The following NUDT3 variants were observed in gnomAD, a reference collection of about 807,000 sequenced individuals.
NUDT3 encodes the protein diphosphoinositol polyphosphate phosphohydrolase 1.
In NUDT3, 9 loss-of-function variants were observed where a neutral mutation model predicts 23.6. The observed-to-expected ratio is 0.38, with a 90% CI of 0.23 to 0.66. The LOEUF (loss-of-function observed/expected upper bound fraction) is 0.66. NUDT3 is among the 30% of genes least tolerant of loss of function. NUDT3 has a pLI of 0.52. For missense variants in NUDT3, 172 were observed against 218.5 expected (o/e 0.79, Z 1.34); for synonymous variants, 86 against 82.6 (o/e 1.04, Z -0.22).
Position 34,284,859 on chromosome 6 carries a change from C to T in NUDT3, c.*3894G>A, listed in dbSNP as rs989652812. ...CTCCTAATATCAAAACAAAATATTT[C>T]TTTGCCACAAAGGAACTTGACTATG... is the stretch of plus-strand genomic sequence containing the variant. On this transcript the variant is annotated 3_prime_UTR_variant, in exon 5 of 5. Coordinates refer to ENST00000607016, the MANE Select transcript of NUDT3 (RefSeq NM_006703.4). 1 of 152,130 alleles carries T rather than the reference C, an allele frequency of 6.6e-6. No individual in the cohort carries two copies. The highest frequency in any genetic ancestry group is 2.4e-5 in the African/African-American group (1 of 41,416). The allele number at this position is 152,130 out of a possible 1,614,324, so 9.4% of individuals were successfully genotyped here.
chr6:34,390,074 G>T (rs537100297), intron 1 of NUDT3, among the ~76,000 whole-genome samples: 1 of 152,142 alleles, frequency 6.6e-6, no homozygotes, highest in East Asian at 1.9e-4. Flanking sequence ...GGAGGTGGAG[G>T]TTGCAATGAG....
At chr6:34,355,205 C>T (rs577884944) in intron 1 of NUDT3, among the ~76,000 whole-genome samples, 1 of 152,202 alleles carries the variant, frequency 6.6e-6, no homozygotes, top group Admixed American at 6.5e-5. Flanking sequence ...ATTCCTAGTG[C>T]TGAGATTGTT....
intron 1 of NUDT3, among the ~76,000 whole-genome samples, chr6:34,376,524 G>A (rs1169901535): frequency 1.3e-5 from 2 of 152,096 alleles, no homozygotes; most frequent in African/African-American, 2.4e-5. Context: ...TGATTCTCCT[G>A]CTTCCGCCTC....
At chr6:34,306,927 C>T (rs1197128854) in intron 2 of NUDT3, among the ~76,000 whole-genome samples, 1 of 152,110 alleles carries the variant, frequency 6.6e-6, no homozygotes, top group Non-Finnish European at 1.5e-5. Context: ...GACTAAGGAG[C>T]AATTCTTTTT....
rs545492254 is a variant in NUDT3 at position 34,326,606 on chromosome 6, TTTTC to T, written c.210+15252_210+15255del. On this transcript the variant is annotated intron_variant, in intron 2 of 4. Coordinates refer to ENST00000607016, the MANE Select transcript of NUDT3 (RefSeq NM_006703.4). ...CTTACATGATAATCCAGCTTTTTTTTTTTCTTTTTTTTGACACGGAGTCTTGCTC... is the reference window on the plus strand; with the variant it reads ...CTTACATGATAATCCAGCTTTTTTTTTTTTTTTTGACACGGAGTCTTGCTC... Among the ~76,000 whole-genome samples, 126 of 152,204 alleles carry T rather than the reference TTTTC, an allele frequency of 8.3e-4. No individual in the cohort carries two copies. In the East Asian group the frequency reaches 0.01, roughly 12 times the overall value.
intron 1 of NUDT3, among the ~76,000 whole-genome samples, chr6:34,380,056 A>T (rs1351128696): frequency 6.6e-6 from 1 of 151,768 alleles, no homozygotes; most frequent in East Asian, 1.9e-4. Context: ...TCTTTTATGC[A>T]GTAAAGTACT....
In NUDT3 at chr6:34,283,214, T is replaced by C. The variant is rs1379861324; in HGVS notation, c.*5539A>G. ...TCCCTTCCCTTTTCTTTTTTTTTTT[T>C]TTTTTTTTGAGACGGAGTCTTGCTC... On this transcript the variant is annotated 3_prime_UTR_variant, in exon 5 of 5. Coordinates refer to ENST00000607016, the MANE Select transcript of NUDT3 (RefSeq NM_006703.4). The C allele has an allele frequency of 6.7e-6, 1 of 149,534 alleles. No individual in the cohort carries two copies. Among genetic ancestry groups the C allele is most frequent in the Non-Finnish European group, 1.5e-5 (1 of 67,462 alleles). 9.3% of individuals were successfully genotyped at this position (149,534 alleles called of 1,614,324 possible).
At chr6:34,348,323 CA>C (rs777537795) in intron 1 of NUDT3, among the ~76,000 whole-genome samples, 22 of 146,616 alleles carry the variant, frequency 1.5e-4, no homozygotes, top group South Asian at 2.1e-4. Flanking sequence ...CGCCCCCCAC[CA>C]AAAAAAAAAT....
At chr6:34,323,607 C>T (rs370382335) in intron 2 of NUDT3, among the ~76,000 whole-genome samples, 2 of 149,958 alleles carry the variant, frequency 1.3e-5, no homozygotes, top group African/African-American at 4.9e-5. Context: ...AGAAGAGAAG[C>T]GAAGCGAAGC....
intron 2 of NUDT3, among the ~76,000 whole-genome samples, chr6:34,338,273 C>T (rs1391446683): frequency 1.3e-5 from 2 of 152,192 alleles, no homozygotes; most frequent in African/African-American, 4.8e-5. Context: ...CATCATCACA[C>T]TACCTACTGC....
chr6:34,342,388 C>T (rs944821617), intron 1 of NUDT3, among the ~76,000 whole-genome samples: 1 of 151,736 alleles, frequency 6.6e-6, no homozygotes, highest in East Asian at 1.9e-4. Flanking sequence ...GCCATGATTG[C>T]CATCATGGTC....
In NUDT3 at chr6:34,297,759, A is replaced by ATTTTTT. The variant is rs60517827; in HGVS notation, c.211-2075_211-2074insAAAAAA. ...TATATATATATATATATATATATATAATTTTTTTTTTTTTTTTAGTAGAGA... is the reference window on the plus strand; with the variant it reads ...TATATATATATATATATATATATATATTTTTTATTTTTTTTTTTTTTTTAGTAGAGA... On this transcript the variant is annotated intron_variant, in intron 2 of 4. Coordinates refer to ENST00000607016, the MANE Select transcript of NUDT3 (RefSeq NM_006703.4). Among the ~76,000 whole-genome samples the ATTTTTT allele has an allele frequency of 1.0e-3, 71 of 71,100 alleles. 2 individuals are homozygous for ATTTTTT. Among genetic ancestry groups the ATTTTTT allele is most frequent in the African/African-American group, 4.2e-3 (64 of 15,146 alleles). 46.6% of individuals were successfully genotyped at this position (71,100 alleles called of 152,430 possible).
In NUDT3 at chr6:34,317,154, C is replaced by T. The variant is rs146009580; in HGVS notation, c.211-21469G>A. On this transcript the variant is annotated intron_variant, in intron 2 of 4. Coordinates refer to ENST00000607016, the MANE Select transcript of NUDT3 (RefSeq NM_006703.4). ...TAACTTAAAGGATGGACTGCCACTA[C>T]TGAGATGGGGAAGACTGCTGGCGAA... Among the ~76,000 whole-genome samples the T allele has an allele frequency of 4.4e-3, 667 of 152,268 alleles. 2 individuals are homozygous for T. The highest frequency in any genetic ancestry group is 0.015 in the African/African-American group (633 of 41,554).
chr6:34,391,935 G>C lies in NUDT3; in HGVS notation c.99+329C>G, dbSNP rs1765208321. Among the ~76,000 whole-genome samples, 2 of 152,136 alleles carry C rather than the reference G, an allele frequency of 1.3e-5. 1 individual carries two copies. Among genetic ancestry groups the C allele is most frequent in the South Asian group, 4.1e-4 (2 of 4,828 alleles). The stretch of plus-strand genomic sequence containing the variant: ...TTCCAGGATCAAAGCCGTTGGCCTG[G>C]ACCGAAAGCCGCACTCTTCCCAGCC... On this transcript the variant is annotated intron_variant, in intron 1 of 4. Transcript: ENST00000607016.
intron 1 of NUDT3, among the ~76,000 whole-genome samples, chr6:34,375,593 G>T (rs949893827): frequency 2.0e-5 from 3 of 152,102 alleles, no homozygotes; most frequent in Non-Finnish European, 4.4e-5. Context: ...TCAGTATATT[G>T]ATTGGAAGAG....
At chr6:34,308,770 T>C (rs1415176591) in intron 2 of NUDT3, among the ~76,000 whole-genome samples, 1 of 152,032 alleles carries the variant, frequency 6.6e-6, no homozygotes, top group Non-Finnish European at 1.5e-5. Flanking sequence ...TGTATATGCC[T>C]AACAACAGAA....
intron 3 of NUDT3, 77 bp from the exon 4 acceptor site, chr6:34,293,612 TGCATATGTCC>T: frequency 6.5e-7 from 1 of 1,535,100 alleles, no homozygotes; most frequent in African/African-American, 1.4e-5. Context: ...CACACTCTTA[TGCATATGTCC>T]AGAGAGCTCA....
chr6:34,359,324 G>A (rs1289096388), intron 1 of NUDT3, among the ~76,000 whole-genome samples: 1 of 152,174 alleles, frequency 6.6e-6, no homozygotes, highest in Non-Finnish European at 1.5e-5. Context: ...AGTGAGCCGA[G>A]ATCGTGCTAC....
At chr6:34,372,868 T>C (rs1457611491) in intron 1 of NUDT3, among the ~76,000 whole-genome samples, 1 of 152,044 alleles carries the variant, frequency 6.6e-6, no homozygotes, top group African/African-American at 2.4e-5. Context: ...TATCAATTAC[T>C]GGTCAATAAT....
Sources: allele counts gnomAD v4.1 joint callset (sites outside exome capture counted in the v4.1 genomes callset), GRCh38; gene constraint gnomAD v4.1.1; transcripts MANE v1.5; gene names NCBI Gene and HGNC (gene_info 2026-07-23, HGNC 2026-07-21).